Variants in MGMT observed in about 807,000 individuals in gnomAD.
The protein encoded by MGMT is O-6-methylguanine-DNA methyltransferase.
MGMT carries 14 observed loss-of-function variants against 15.9 expected under a neutral mutation model. The observed-to-expected ratio is 0.88, with a 90% CI of 0.58 to 1.37. The LOEUF (loss-of-function observed/expected upper bound fraction) is 1.37. Among genes scored for constraint, MGMT ranks in the 40% most tolerant of loss-of-function variants. The pLI is 0.00. For missense variants in MGMT, 282 were observed against 268.1 expected, an observed-to-expected ratio of 1.05 and a Z score of -0.36; for synonymous variants, 130 against 118.2, an observed-to-expected ratio of 1.10 and a Z score of -0.65.
chr10:129,484,973 A>AT (rs1393436222), intron 1 of MGMT, among the ~76,000 whole-genome samples: 1 of 150,616 alleles, frequency 6.6e-6, no homozygotes, highest in East Asian at 1.9e-4. Context: ...TGTATTAAAT[A>AT]TATATGTATT....
chr10:129,716,051 G>A (rs1268078696), intron 3 of MGMT, among the ~76,000 whole-genome samples: 2 of 152,212 alleles, frequency 1.3e-5, no homozygotes, highest in East Asian at 3.8e-4. Context: ...CAGACTTCCT[G>A]GAGGCTCAGC....
At chr10:129,601,555 A>G (rs552620676) in intron 2 of MGMT, among the ~76,000 whole-genome samples, 8 of 152,210 alleles carry the variant, frequency 5.3e-5, no homozygotes, top group Middle Eastern at 3.4e-3. Context: ...CCTGCCCCTC[A>G]CCTGGGGACT....
intron 2 of MGMT, among the ~76,000 whole-genome samples, chr10:129,692,698 C>G (rs1477698266): frequency 6.6e-6 from 1 of 152,144 alleles, no homozygotes; most frequent in Non-Finnish European, 1.5e-5. Context: ...TCTGGGGCCT[C>G]AGCTGCAGGG....
chr10:129,713,885 TC>T (rs1848261864), intron 3 of MGMT, among the ~76,000 whole-genome samples: 1 of 152,196 alleles, frequency 6.6e-6, no homozygotes, highest in Non-Finnish European at 1.5e-5. Flanking sequence ...CAGGGTCTCA[TC>T]TGCCGGCACA....
At chr10:129,568,708 C>A (rs568221975) in intron 2 of MGMT, among the ~76,000 whole-genome samples, 1 of 152,180 alleles carries the variant, frequency 6.6e-6, no homozygotes, top group African/African-American at 2.4e-5. Flanking sequence ...TCTGACAGCT[C>A]CTATGGACCT....
chr10:129,633,852 TAGTCTC>T (rs1313199756), intron 2 of MGMT, among the ~76,000 whole-genome samples: 2 of 152,246 alleles, frequency 1.3e-5, no homozygotes, highest in Non-Finnish European at 2.9e-5. Context: ...GTAAATATAT[TAGTCTC>T]TGTCTCAGTT....
intron 2 of MGMT, among the ~76,000 whole-genome samples, chr10:129,642,109 G>A (rs998659873): frequency 6.6e-6 from 1 of 152,096 alleles, no homozygotes; most frequent in African/African-American, 2.4e-5. Flanking sequence ...AGTGAGACCC[G>A]ACATCCCCTC....
chr10:129,524,885 C>T (rs11818404), intron 1 of MGMT, among the ~76,000 whole-genome samples: 11,781 of 152,098 alleles, frequency 0.077, 744 homozygotes, highest in African/African-American at 0.16. Flanking sequence ...CCACCGCACC[C>T]GGCCCCAGAA....
At chr10:129,474,012 G>T (rs1207817569) in intron 1 of MGMT, among the ~76,000 whole-genome samples, 2 of 152,216 alleles carry the variant, frequency 1.3e-5, no homozygotes, top group African/African-American at 4.8e-5. Context: ...CGGGACTGTG[G>T]CTACCGGTCA....
intron 2 of MGMT, among the ~76,000 whole-genome samples, chr10:129,621,948 A>G (rs182543448): frequency 1.1e-4 from 17 of 152,320 alleles, no homozygotes; most frequent in Admixed American, 2.0e-4. Flanking sequence ...AGAGATGACT[A>G]TTTATGAGTC....
At chr10:129,474,391 C>T (rs1204805909) in intron 1 of MGMT, among the ~76,000 whole-genome samples, 6 of 152,220 alleles carry the variant, frequency 3.9e-5, no homozygotes, top group Non-Finnish European at 7.4e-5. Flanking sequence ...CTGGTGAGAG[C>T]GGAGCAGGTG....
chr10:129,643,888 A>G (rs76486511), intron 2 of MGMT, among the ~76,000 whole-genome samples: 7,528 of 152,246 alleles, frequency 0.049, 223 homozygotes, highest in Middle Eastern at 0.088. Context: ...CATGGATATG[A>G]TGGTAACCTG....
At chr10:129,535,681 T>C (rs1200075775) in intron 1 of MGMT, among the ~76,000 whole-genome samples, 1 of 152,250 alleles carries the variant, frequency 6.6e-6, no homozygotes, top group Non-Finnish European at 1.5e-5. Flanking sequence ...GTAAATTAAA[T>C]GTGCTTTCCA....
At chr10:129,691,095 A>G (rs540847460) in intron 2 of MGMT, among the ~76,000 whole-genome samples, 1 of 152,338 alleles carries the variant, frequency 6.6e-6, no homozygotes, top group Non-Finnish European at 1.5e-5. Context: ...GTGCGGGAGA[A>G]CTTGAAGGCA....
At chr10:129,580,510 T>C (rs1045861571) in intron 2 of MGMT, among the ~76,000 whole-genome samples, 8 of 152,090 alleles carry the variant, frequency 5.3e-5, no homozygotes, top group African/African-American at 1.9e-4. Context: ...GCCTTCTAGG[T>C]CTAGACGTTC....
At chr10:129,559,363 G>A (rs370285879) in intron 2 of MGMT, among the ~76,000 whole-genome samples, 2 of 152,104 alleles carry the variant, frequency 1.3e-5, no homozygotes, top group East Asian at 3.8e-4. Flanking sequence ...GCTAAAACTA[G>A]TTTGGGCCCT....
At chr10:129,740,890 G>A (rs1275639248) in intron 3 of MGMT, among the ~76,000 whole-genome samples, 1 of 152,226 alleles carries the variant, frequency 6.6e-6, no homozygotes, top group African/African-American at 2.4e-5. Context: ...CACTTACTGT[G>A]ATAATTGCAT....
chr10:129,706,331 G>A (rs1221869706), intron 2 of MGMT, among the ~76,000 whole-genome samples: 1 of 152,208 alleles, frequency 6.6e-6, no homozygotes, highest in East Asian at 1.9e-4. Context: ...CGCCTGTGCT[G>A]GGCCACATGT....
chr10:129,764,237 C>T (rs1039847342), intron 4 of MGMT, among the ~76,000 whole-genome samples: 3 of 152,216 alleles, frequency 2.0e-5, no homozygotes, highest in Non-Finnish European at 2.9e-5. Flanking sequence ...TGGGGCCTTG[C>T]GGGGTGATGG....
Sources: gnomAD v4.1 joint callset for allele counts (sites outside exome capture counted in the v4.1 genomes callset) on GRCh38, gnomAD v4.1.1 for gene constraint, MANE v1.5 for transcripts, NCBI Gene and HGNC (gene_info 2026-07-23, HGNC 2026-07-21) for gene names.